EPHA8: variants seen among roughly 807,000 people sequenced by gnomAD.
EPHA8 encodes ephrin type-A receptor 8.
In EPHA8, 58 loss-of-function variants were observed where a neutral mutation model predicts 103.6. The ratio of observed to expected loss-of-function variants is 0.56; its 90% confidence interval spans 0.45 to 0.70. The LOEUF is 0.70. Ranked by LOEUF, EPHA8 falls within the 30% of genes least tolerant of loss-of-function variation. The probability of loss-of-function intolerance (pLI) is 0.00; values close to 1 mark genes in which losing one functional copy is unlikely to be tolerated. For missense variants in EPHA8, 1,304 were observed against 1,395.2 expected (o/e 0.93, Z 1.04); for synonymous variants, 559 against 572.5 (o/e 0.98, Z 0.34).
rs529564663 is a variant in EPHA8 at position 22,579,164 on chromosome 1, T to C, written c.823+2284T>C. Among the ~76,000 whole-genome samples the C allele has an allele frequency of 4.6e-3, 692 of 151,296 alleles. 3 individuals are homozygous for C. Among genetic ancestry groups the C allele is most frequent in the Non-Finnish European group, 8.0e-3 (539 of 67,746 alleles). On this transcript the variant is annotated intron_variant, in intron 3 of 16. Coordinates refer to ENST00000166244, the MANE Select transcript of EPHA8 (RefSeq NM_020526.5). ...GTGCATATGTGCAAGAGTGTATGTA[T>C]GCATGTGTGTGCATGTGTGCGTGAA... is the stretch of plus-strand genomic sequence containing the variant.
rs979444635 is a variant in EPHA8 at position 22,597,857 on chromosome 1, C to G, written c.2112C>G (p.Thr704=). The change falls in exon 11 of 17, where the codon ACC becomes ACG. Residue 704 remains threonine, a synonymous_variant. Coordinates refer to ENST00000166244, the MANE Select transcript of EPHA8 (RefSeq NM_020526.5). This position sits in a 1 kb window ranked among gnomAD's most constrained non-coding sequence, Gnocchi z 4.6. The part of the protein sequence containing the change: ...PNIIRLEGVV[T]RGRLAMIVTE... ...TCATCCGCCTCGAGGGTGTCGTCAC[C>G]CGTGGTAGGTGCCGGGCAAAGACAG... The G allele has an allele frequency of 4.4e-6, 7 of 1,607,050 alleles. No homozygotes were observed. The Admixed American group carries it at 8.4e-5, about 19-fold the overall frequency.
intron 7 of EPHA8, 25 bp from the exon 8 acceptor site, chr1:22,595,205 C>A: frequency 1.3e-6 from 2 of 1,588,098 alleles, no homozygotes; most frequent in Non-Finnish European, 1.7e-6. Flanking sequence ...GAGCCTGGTC[C>A]CCCAACCCTG....
At chr1:22,587,382 G>A in intron 4 of EPHA8, among the ~76,000 whole-genome samples, 1 of 152,172 alleles carries the variant, frequency 6.6e-6, no homozygotes, top group East Asian at 1.9e-4. Flanking sequence ...TGTCTTGTGA[G>A]CTCAGCACGT....
Position 22,601,425 on chromosome 1 carries a change from C to A in EPHA8, c.2855C>A (p.Ala952Asp). The A allele has an allele frequency of 1.2e-6, 2 of 1,611,034 alleles. No individual in the cohort carries two copies. The highest frequency in any genetic ancestry group is 1.7e-6 in the Non-Finnish European group (2 of 1,179,830). Residue 952 changes from alanine to aspartate, a missense_variant, in exon 16 of 17, where the codon GCT (alanine) becomes GAT (aspartate). Coordinates refer to ENST00000166244, the MANE Select transcript of EPHA8 (RefSeq NM_020526.5). ...ATGGGCCGGTACCGAGACCACTTCG[C>A]TGCGGGCGGATACTCCTCTCTGGGC... ...IRMGRYRDHF[A>D]AGGYSSLGMV...
chr1:22,585,027 C>CTGTGTGTGTGTGTGTGTGTGTG (rs772415643), intron 3 of EPHA8, among the ~76,000 whole-genome samples: 295 of 147,570 alleles, frequency 2.0e-3, no homozygotes, highest in East Asian at 0.01. Context: ...GGTCGTTTCT[C>CTGTGTGTGTGTGTGTGTGTGTG]TGTGTGTGTG....
intron 1 of EPHA8, among the ~76,000 whole-genome samples, chr1:22,566,514 A>G (rs1020953946): frequency 9.2e-5 from 14 of 152,176 alleles, no homozygotes; most frequent in African/African-American, 2.9e-4. Context: ...CCGGGCAGAT[A>G]GGCCTAGGAG....
In EPHA8 at chr1:22,591,984, A is replaced by T. The variant is rs114907438; in HGVS notation, c.1316-1342A>T. ...TGGACGCCCTGTCTCCTTTCCTGGG[A>T]CAGAAGCTCCTAGAGGGATGTCTTG... On this transcript the variant is annotated intron_variant, in intron 5 of 16. Coordinates refer to ENST00000166244, the MANE Select transcript of EPHA8 (RefSeq NM_020526.5). Among the ~76,000 whole-genome samples, 746 of 152,106 alleles carry T rather than the reference A, an allele frequency of 4.9e-3. 4 individuals carry two copies. The highest frequency in any genetic ancestry group is 0.017 in the African/African-American group (688 of 41,480).
At position 22,593,577 on chromosome 1, in the gene EPHA8, C is replaced by G. The variant is rs771104581; in HGVS notation, c.1494C>G (p.Thr498=). 2 of 1,612,098 alleles carry G rather than the reference C, an allele frequency of 1.2e-6. No individual in the cohort carries two copies. The highest frequency in any genetic ancestry group is 8.5e-7 in the Non-Finnish European group (1 of 1,179,688). The change falls in exon 7 of 17, where the codon ACC becomes ACG. Residue 498 remains threonine, a synonymous_variant. Transcript: ENST00000166244. ...TCAAGGCCGTCACCACCAGAGCCAC[C>G]GTCTCCGGCCTCAAGCCGGGCACCC... ...STLKAVTTRA[T]VSGLKPGTRY...
chr1:22,572,818 A>G (rs1434672180), intron 2 of EPHA8, among the ~76,000 whole-genome samples: 1 of 152,196 alleles, frequency 6.6e-6, no homozygotes, highest in African/African-American at 2.4e-5. Context: ...AGTGGCACCC[A>G]TCACGGGGTG....
Position 22,602,127 on chromosome 1 carries a change from A to G in EPHA8, c.*386A>G. On this transcript the variant is annotated 3_prime_UTR_variant, in exon 17 of 17. Transcript: ENST00000166244. Reference sequence around the variant, plus strand: ...GAACAGTGTGTGATCAAGTGTGTCCACCCCTTCGGGTCTCAGCATGGACGT... The same window carrying G: ...GAACAGTGTGTGATCAAGTGTGTCCGCCCCTTCGGGTCTCAGCATGGACGT... The G allele has an allele frequency of 3.3e-6, 1 of 302,510 alleles. No homozygotes were observed. The highest frequency in any genetic ancestry group is 6.1e-6 in the Non-Finnish European group (1 of 165,242). The allele number at this position is 302,510 out of a possible 1,614,324, so 18.7% of individuals were successfully genotyped here.
rs1641720185 is a variant in EPHA8, at chr1:22,601,310, C to T, written c.2740C>T (p.Pro914Ser). Residue 914 changes from proline to serine, a missense_variant, in exon 16 of 17, where the codon CCT becomes TCT. Transcript: ENST00000166244. ...ATATVSRCPP[P>S]AFVRSCFDLR... Reference sequence around the variant, plus strand: ...GCCCCTGTGCCTCAGGTGCCCACCCCCTGCCTTCGTCCGGAGCTGCTTTGA... The same window carrying T: ...GCCCCTGTGCCTCAGGTGCCCACCCTCTGCCTTCGTCCGGAGCTGCTTTGA... 1 of 1,599,878 alleles carries T rather than the reference C, an allele frequency of 6.3e-7. No homozygotes were observed.
At position 22,589,047 on chromosome 1, in the gene EPHA8, G is replaced by C; in HGVS notation, c.1156G>C (p.Val386Leu). Residue 386 changes from valine (V) to leucine (L), a missense_variant, in exon 5 of 17, where the codon GTG becomes CTG. By Grantham distance (32) the Val-to-Leu change is conservative (BLOSUM62 1). Transcript: ENST00000166244. This position sits in a 1 kb window ranked among gnomAD's most constrained non-coding sequence, Gnocchi z 4.3. Reference sequence around the variant, plus strand: ...GGCATGTGGGAGCGGCACCCGCTTTGTGCCCCAGCAGACAAGCCTGGTGCA... The same window carrying C: ...GGCATGTGGGAGCGGCACCCGCTTTCTGCCCCAGCAGACAAGCCTGGTGCA... ...CEACGSGTRFVPQQTSLVQAS... is the reference protein window; with the variant it reads ...CEACGSGTRFLPQQTSLVQAS... 1 of 1,612,852 alleles carries C rather than the reference G, an allele frequency of 6.2e-7. No individual in the cohort carries two copies. The highest frequency in any genetic ancestry group is 1.3e-5 in the African/African-American group (1 of 75,042).
rs1383001120 is a variant in EPHA8, at chr1:22,598,148, C to T, written c.2117-3C>T. Reference sequence around the variant, plus strand: ...AGCCACCCTCTCCCTACTGCCCGCCCAGGCCGCCTGGCAATGATTGTGACT... The same window carrying T: ...AGCCACCCTCTCCCTACTGCCCGCCTAGGCCGCCTGGCAATGATTGTGACT... On this transcript the variant is annotated splice_polypyrimidine_tract_variant and splice_region_variant and intron_variant, in intron 11 of 16. Coordinates refer to ENST00000166244, the MANE Select transcript of EPHA8 (RefSeq NM_020526.5). The surrounding 1 kb of genome is among the most constrained non-coding windows in gnomAD (Gnocchi z 5.1). The T allele has an allele frequency of 1.2e-5, 19 of 1,613,350 alleles. No individual in the cohort carries two copies. The highest frequency in any genetic ancestry group is 1.5e-5 in the Non-Finnish European group (18 of 1,179,958).
chr1:22,601,523 G>T (rs772004009), intron 16 of EPHA8, 50 bp downstream of exon 16: 1 of 1,602,466 alleles, frequency 6.2e-7, no homozygotes, highest in South Asian at 1.1e-5. Flanking sequence ...GCAGGGGGGG[G>T]GACCCCTGCC....
At chr1:22,578,833 G>A (rs1489689746) in intron 3 of EPHA8, among the ~76,000 whole-genome samples, 2 of 150,526 alleles carry the variant, frequency 1.3e-5, no homozygotes, top group Non-Finnish European at 2.9e-5. Context: ...GCATGCCTGT[G>A]TGTATATGCA....
intron 3 of EPHA8, among the ~76,000 whole-genome samples, chr1:22,578,364 G>C (rs56651574): frequency 1.3e-5 from 2 of 149,904 alleles, no homozygotes; most frequent in East Asian, 4.0e-4. Flanking sequence ...GTGCGTGCAT[G>C]TGTGCGTGCT....
Position 22,589,339 on chromosome 1 carries a change from C to T in EPHA8, c.1315+133C>T, listed in dbSNP as rs766141447. ...CAAGTGCCTCTCTGGCCCTGCGCTC[C>T]TCACCAGGACCCAGAGCTGGAGGCT... On this transcript the variant is annotated intron_variant, in intron 5 of 16. Transcript: ENST00000166244. The surrounding 1 kb of genome is among the most constrained non-coding windows in gnomAD (Gnocchi z 4.3). The T allele has an allele frequency of 1.0e-5, 16 of 1,600,518 alleles. No individual in the cohort carries two copies. The highest frequency in any genetic ancestry group is 2.7e-5 in the African/African-American group (2 of 74,696).
At chr1:22,591,364 G>A (rs532450543) in intron 5 of EPHA8, among the ~76,000 whole-genome samples, 1 of 151,146 alleles carries the variant, frequency 6.6e-6, no homozygotes, top group South Asian at 2.1e-4. Context: ...AGCTGACCAA[G>A]GGCACACACC....
intron 1 of EPHA8, among the ~76,000 whole-genome samples, chr1:22,565,130 C>G (rs1640321208): frequency 6.6e-6 from 1 of 152,226 alleles, no homozygotes; most frequent in Non-Finnish European, 1.5e-5. Context: ...CGTACAGATG[C>G]ATGCACATGA....
Sources: allele counts gnomAD v4.1 joint callset (sites outside exome capture counted in the v4.1 genomes callset), GRCh38; gene constraint gnomAD v4.1.1; non-coding constraint Gnocchi (gnomAD v3.1); transcripts MANE v1.5; gene names NCBI Gene and HGNC (gene_info 2026-07-23, HGNC 2026-07-21).